The following EVI5 variants were observed in gnomAD, a reference collection of about 807,000 sequenced individuals.
The protein encoded by EVI5 is ecotropic viral integration site 5, also known as ecotropic viral integration site 5 protein homolog.
Under a neutral mutation model 112.0 loss-of-function variants are expected in EVI5, and 73 were observed. The observed-to-expected ratio is 0.65, with a 90% CI of 0.54 to 0.79. The LOEUF (loss-of-function observed/expected upper bound fraction) is 0.79, where lower values mean the gene tolerates loss of function less well. Among genes scored for constraint, EVI5 ranks in the 30% least tolerant of loss-of-function variants. The pLI is 0.00. For synonymous variants in EVI5, 305 were observed against 319.9 expected, an observed-to-expected ratio of 0.95 and a Z score of 0.50; for missense variants, 900 against 968.8, an observed-to-expected ratio of 0.93 and a Z score of 0.94.
chr1:92,672,137 A>G (rs1019543179), intron 10 of EVI5, among the ~76,000 whole-genome samples: 2 of 150,284 alleles, frequency 1.3e-5, no homozygotes, highest in South Asian at 4.2e-4. Context: ...TTTTGTCTGC[A>G]TTACCACATC....
At chr1:92,790,427 C>G (rs1045683380) in intron 1 of EVI5, among the ~76,000 whole-genome samples, 1 of 152,006 alleles carries the variant, frequency 6.6e-6, no homozygotes, top group Non-Finnish European at 1.5e-5. Flanking sequence ...AACATTTCCA[C>G]TCATCAGAAA....
chr1:92,786,254 A>C (rs1488131973), upstream of EVI5, among the ~76,000 whole-genome samples: 4 of 132,716 alleles, frequency 3.0e-5, no homozygotes, highest in Admixed American at 3.0e-4. Context: ...AAAAAAAAAA[A>C]CCTTACTTTT....
chr1:92,686,752 TAGAC>T (rs1333908233), intron 9 of EVI5, among the ~76,000 whole-genome samples: 1 of 151,746 alleles, frequency 6.6e-6, no homozygotes, highest in Non-Finnish European at 1.5e-5. Flanking sequence ...ACACCAATAA[TAGAC>T]AAACAGCCAA....
intron 1 of EVI5, among the ~76,000 whole-genome samples, chr1:92,740,866 C>T (rs1482936499): frequency 6.6e-6 from 1 of 152,106 alleles, no homozygotes; most frequent in African/African-American, 2.4e-5. Flanking sequence ...CAGTCTTAGA[C>T]TTAGTACTGA....
intron 13 of EVI5, chr1:92,647,339 G>A (rs7529630): frequency 0.92 from 203,514 of 221,152 alleles, 93,780 homozygotes; most frequent in East Asian, 0.97. Context: ...AATTCTGAAC[G>A]GTGCAGGAAG....
At position 92,736,472 on chromosome 1, in the gene EVI5, G is replaced by C. The variant is rs1309944274; in HGVS notation, c.75C>G (p.Ala25=). ...TSSSTTLSTP[A]LSPSSPSQLS... is the part of the protein sequence containing the mutation. ...ACTGTGATGGGGAAGATGGTGAAAGGGCTGGTGTTGATAGTGTGGTAGATG... is the reference window on the plus strand; with the variant it reads ...ACTGTGATGGGGAAGATGGTGAAAGCGCTGGTGTTGATAGTGTGGTAGATG... Residue 25 remains alanine (A), a synonymous_variant, in exon 2 of 20, where the codon GCC becomes GCG. Transcript: ENST00000684568. 6.2e-7 allele frequency: 1 copy of C among 1,613,894 alleles called. No individual in the cohort carries two copies. Among genetic ancestry groups the C allele is most frequent in the East Asian group, 2.2e-5 (1 of 44,870 alleles).
At position 92,606,917 on chromosome 1, in the gene EVI5, CA is replaced by C. The variant is rs1268494170; in HGVS notation, c.1974+663del. Among the ~76,000 whole-genome samples the C allele has an allele frequency of 1.7e-4, 17 of 101,646 alleles. No individual in the cohort carries two copies. In the East Asian group the frequency reaches 7.4e-3, roughly 44 times the overall value. The allele number at this position is 101,646 out of a possible 152,430, so 66.7% of individuals were successfully genotyped here. ...ACACACACACACACACACACACACA[CA>C]CACACCCCCCCAAACCCTCCCTCCT... On this transcript the variant is annotated intron_variant, in intron 17 of 19. Transcript: ENST00000684568.
rs771112779 is a variant in EVI5 at position 92,563,658 on chromosome 1, G to A, written c.2150C>T (p.Ala717Val). ...QYIGELKDQI[A>V]ELNHELRCLK... ...ATCACTTACCTCATGATTCAGCTCT[G>A]CTATCTGATCTTTCAGTTCCCCAAT... The change falls in exon 19 of 20, where the codon GCA (alanine) becomes GTA (valine). Residue 717 changes from alanine to valine, a missense_variant. Coordinates refer to ENST00000684568, the MANE Select transcript of EVI5 (RefSeq NM_001350197.2). The A allele has an allele frequency of 1.5e-5, 24 of 1,584,926 alleles. No homozygotes were observed. Among genetic ancestry groups the A allele is most frequent in the Non-Finnish European group, 1.9e-5 (22 of 1,157,488 alleles).
At position 92,697,963 on chromosome 1, in the gene EVI5, C is replaced by T. The variant is rs765095711; in HGVS notation, c.662G>A (p.Cys221Tyr). The T allele has an allele frequency of 3.1e-5, 50 of 1,611,350 alleles. No individual in the cohort carries two copies. In the South Asian group the frequency reaches 5.0e-4, roughly 16 times the overall value. ...ATCTTGCATTAATTTAACAAATACA[C>T]AGAAAGCTTCTTCTTCTGGCATCTA... is the stretch of plus-strand genomic sequence containing the variant. ...LMQMPEEEAF[C>Y]VFVKLMQDYR... The change falls in exon 6 of 20, where the codon TGT becomes TAT. Residue 221 changes from cysteine (C) to tyrosine (Y), a missense_variant. By Grantham distance (194) the Cys-to-Tyr change is radical. Transcript: ENST00000684568.
intron 18 of EVI5, among the ~76,000 whole-genome samples, chr1:92,567,666 T>A (rs1669704130): frequency 6.6e-6 from 1 of 152,036 alleles, no homozygotes; most frequent in South Asian, 2.1e-4. Context: ...GTAAGCACAC[T>A]CTATGATTCA....
intron 1 of EVI5, among the ~76,000 whole-genome samples, chr1:92,747,016 C>A (rs1679357944): frequency 6.6e-6 from 1 of 151,982 alleles, no homozygotes; most frequent in African/African-American, 2.4e-5. Flanking sequence ...TTTTATGACA[C>A]ATTTGTAAAA....
intron 2 of EVI5, among the ~76,000 whole-genome samples, chr1:92,728,300 A>G (rs1261142906): frequency 1.3e-5 from 2 of 152,180 alleles, no homozygotes; most frequent in Non-Finnish European, 2.9e-5. Flanking sequence ...AATATCTGAT[A>G]TAACATGTAA....
At chr1:92,681,644 C>T (rs1378009049) in intron 9 of EVI5, among the ~76,000 whole-genome samples, 6 of 152,136 alleles carry the variant, frequency 3.9e-5, no homozygotes, top group East Asian at 1.9e-4. Context: ...TGTCACTTTT[C>T]GCAAAATCCT....
chr1:92,685,176 G>A (rs141480888), intron 9 of EVI5, among the ~76,000 whole-genome samples: 3,952 of 152,142 alleles, frequency 0.026, 128 homozygotes, highest in African/African-American at 0.074. Flanking sequence ...CTCAGCAAAT[G>A]TAAAAGAACA....
chr1:92,589,550 C>T (rs569083724), intron 18 of EVI5, among the ~76,000 whole-genome samples: 21 of 152,236 alleles, frequency 1.4e-4, no homozygotes, highest in African/African-American at 3.9e-4. Context: ...AACTGCAAGG[C>T]GGCAGCGAGG....
chr1:92,572,464 A>G (rs1670452957), intron 18 of EVI5, among the ~76,000 whole-genome samples: 1 of 152,126 alleles, frequency 6.6e-6, no homozygotes, highest in South Asian at 2.1e-4. Flanking sequence ...CTTTCCTCCT[A>G]TCATCTGCTA....
At position 92,533,199 on chromosome 1, in the gene EVI5, G is replaced by C. The variant is rs558798489; in HGVS notation, c.2167-19229C>G. On this transcript the variant is annotated intron_variant, in intron 19 of 19. Transcript: ENST00000684568. ...TAAACTAGAAAATCCAGAATAAATG[G>C]ATAAGTTCCTGGACACATACACCCA... Among the ~76,000 whole-genome samples the C allele has an allele frequency of 3.3e-5, 5 of 152,168 alleles. No individual in the cohort carries two copies. In the South Asian group the frequency reaches 1.0e-3, roughly 32 times the overall value.
chr1:92,779,500 T>C (rs543960369), intron 1 of EVI5, among the ~76,000 whole-genome samples: 2 of 150,198 alleles, frequency 1.3e-5, no homozygotes, highest in African/African-American at 4.9e-5. Context: ...CTAGCCTGGG[T>C]GGCTGAGACT....
At chr1:92,614,390 T>C (rs1333083499) in intron 16 of EVI5, among the ~76,000 whole-genome samples, 1 of 152,064 alleles carries the variant, frequency 6.6e-6, no homozygotes, top group East Asian at 1.9e-4. Context: ...GTTAAAAATA[T>C]CTGTGATGGT....
Sources: allele counts gnomAD v4.1 joint callset (sites outside exome capture counted in the v4.1 genomes callset), GRCh38; gene constraint gnomAD v4.1.1; transcripts MANE v1.5; gene names NCBI Gene and HGNC (gene_info 2026-07-23, HGNC 2026-07-21).